SYNJ2: variants seen among roughly 807,000 people sequenced by gnomAD.
SYNJ2 encodes polyphosphatidylinositol phosphatase SYNJ2.
Under a neutral mutation model 141.3 loss-of-function variants are expected in SYNJ2, and 116 were observed. That is an observed-to-expected ratio of 0.82 (90% CI 0.71 to 0.96). The LOEUF (loss-of-function observed/expected upper bound fraction) is 0.96, where lower values mean the gene tolerates loss of function less well. Among genes scored for constraint, SYNJ2 ranks in the 40% least tolerant of loss-of-function variants. SYNJ2 has a pLI of 0.00. For synonymous variants in SYNJ2, 745 were observed against 777.7 expected (o/e 0.96, Z 0.70); for missense variants, 1,873 against 1,934.8 (o/e 0.97, Z 0.60).
chr6:158,052,156 A>T (rs1415792421), intron 5 of SYNJ2, among the ~76,000 whole-genome samples: 1 of 152,228 alleles, frequency 6.6e-6, no homozygotes, highest in Non-Finnish European at 1.5e-5. Flanking sequence ...CATAACATAG[A>T]TAAATCTGCT....
chr6:157,997,036 C>CCA (rs1554229465), intron 1 of SYNJ2, among the ~76,000 whole-genome samples: 4 of 145,808 alleles, frequency 2.7e-5, no homozygotes, highest in African/African-American at 1.0e-4. Context: ...CACCCCCCCC[C>CCA]ACCCAGCTTC....
Position 158,083,422 on chromosome 6 carries a change from C to T in SYNJ2, c.2866-7C>T. Reference sequence around the variant, plus strand: ...TTTATTCCTGGGTGGCCGCTCTGCCCTCCCAGGTGAAAGGCAGAGCAGTGA... The same window carrying T: ...TTTATTCCTGGGTGGCCGCTCTGCCTTCCCAGGTGAAAGGCAGAGCAGTGA... On this transcript the variant is annotated splice_region_variant and splice_polypyrimidine_tract_variant and intron_variant, in intron 20 of 26. Coordinates refer to ENST00000355585, the MANE Select transcript of SYNJ2 (RefSeq NM_003898.4). 2 of 1,612,740 alleles carry T rather than the reference C, an allele frequency of 1.2e-6. No individual in the cohort carries two copies. The highest frequency in any genetic ancestry group is 1.7e-6 in the Non-Finnish European group (2 of 1,178,908).
At chr6:158,042,237 T>C (rs1490504752) in intron 4 of SYNJ2, among the ~76,000 whole-genome samples, 3 of 152,260 alleles carry the variant, frequency 2.0e-5, no homozygotes, top group Non-Finnish European at 4.4e-5. Flanking sequence ...ACAGACAGCA[T>C]GTTCTTAACA....
chr6:158,045,693 T>G (rs1780201956), intron 5 of SYNJ2, among the ~76,000 whole-genome samples: 1 of 152,062 alleles, frequency 6.6e-6, no homozygotes, highest in African/African-American at 2.4e-5. Flanking sequence ...CTCTCAATGT[T>G]CTCATCTCCC....
chr6:158,083,744 G>A, intron 21 of SYNJ2, 147 bp downstream of exon 21: 1 of 1,135,202 alleles, frequency 8.8e-7, no homozygotes, highest in Non-Finnish European at 1.3e-6. Flanking sequence ...GAGCATGTTT[G>A]TATGTGTGGA....
chr6:157,988,811 G>T (rs1250350618), intron 1 of SYNJ2, among the ~76,000 whole-genome samples: 1 of 152,150 alleles, frequency 6.6e-6, no homozygotes, highest in Non-Finnish European at 1.5e-5. Context: ...AAACCAAATT[G>T]GGTTGGGAGG....
At chr6:158,073,160 C>A (rs4403284) in intron 15 of SYNJ2, among the ~76,000 whole-genome samples, 107,919 of 151,710 alleles carry the variant, frequency 0.71, 38,631 homozygotes, top group East Asian at 0.88. Flanking sequence ...TCTTTTCTAC[C>A]ATAAAAATAT....
rs1783908470 is a variant in SYNJ2, at chr6:158,098,667, G to A, written c.*2303G>A. 1 of 152,168 alleles carries A rather than the reference G, an allele frequency of 6.6e-6. No homozygotes were observed. The highest frequency in any genetic ancestry group is 2.1e-4 in the South Asian group (1 of 4,828). The allele number at this position is 152,168 out of a possible 1,614,324, so 9.4% of individuals were successfully genotyped here. On this transcript the variant is annotated 3_prime_UTR_variant, in exon 27 of 27. Coordinates refer to ENST00000355585, the MANE Select transcript of SYNJ2 (RefSeq NM_003898.4). ...TGACAATGAGCAGCTGCCATCTTGGGGGATTTCATTCTGTGGTTTTTTAAA... is the reference window on the plus strand; with the variant it reads ...TGACAATGAGCAGCTGCCATCTTGGAGGATTTCATTCTGTGGTTTTTTAAA...
chr6:158,098,004 G>C lies in SYNJ2; in HGVS notation c.*1640G>C, dbSNP rs965190817. 1 of 152,158 alleles carries C rather than the reference G, an allele frequency of 6.6e-6. No homozygotes were observed. The highest frequency in any genetic ancestry group is 1.5e-5 in the Non-Finnish European group (1 of 68,040). The allele number at this position is 152,158 out of a possible 1,614,324, so 9.4% of individuals were successfully genotyped here. ...AACAAACACAAGAAATAAACAGAATGGTCCTTAACAGAGTTTGGGGGAGAG... is the reference window on the plus strand; with the variant it reads ...AACAAACACAAGAAATAAACAGAATCGTCCTTAACAGAGTTTGGGGGAGAG... On this transcript the variant is annotated 3_prime_UTR_variant, in exon 27 of 27. Transcript: ENST00000355585.
At position 158,027,050 on chromosome 6, in the gene SYNJ2, C is replaced by A. The variant is rs532461817; in HGVS notation, c.215-1706C>A. On this transcript the variant is annotated intron_variant, in intron 2 of 26. Transcript: ENST00000355585. This position sits in a 1 kb window ranked among gnomAD's most constrained non-coding sequence, Gnocchi z 4.6. ...ACCCCCTGCCCTGCTGGCAGCCCCA[C>A]CCCATGGCATAGCAGCAGGCCCCTG... 70 of 985,366 alleles carry A rather than the reference C, an allele frequency of 7.1e-5. No homozygotes were observed. In the South Asian group the frequency reaches 2.8e-3, roughly 39 times the overall value. 61.0% of individuals were successfully genotyped at this position (985,366 alleles called of 1,614,324 possible). A position where few individuals can be genotyped will look rare whatever the true frequency, so the allele number is the denominator to read the frequency against.
In SYNJ2 at chr6:158,096,678, A is replaced by C. The variant is rs1446613242; in HGVS notation, c.*314A>C. On this transcript the variant is annotated 3_prime_UTR_variant, in exon 27 of 27. Transcript: ENST00000355585. Reference sequence around the variant, plus strand: ...GGTCCAAGAAGTTCTCACCCATTGAATTTTTAAATGGCTGTTCAGTTCATG... The same window carrying C: ...GGTCCAAGAAGTTCTCACCCATTGACTTTTTAAATGGCTGTTCAGTTCATG... 2 of 224,046 alleles carry C rather than the reference A, an allele frequency of 8.9e-6. No individual in the cohort carries two copies. Among genetic ancestry groups the C allele is most frequent in the Admixed American group, 1.1e-4 (2 of 18,892 alleles). 13.9% of individuals were successfully genotyped at this position (224,046 alleles called of 1,614,324 possible). A position where few individuals can be genotyped will look rare whatever the true frequency, so the allele number is the denominator to read the frequency against.
rs538956912 is a variant in SYNJ2 at position 158,043,967 on chromosome 6, A to T, written c.795+568A>T. On this transcript the variant is annotated intron_variant, in intron 5 of 26. Transcript: ENST00000355585. This position sits in a 1 kb window ranked among gnomAD's most constrained non-coding sequence, Gnocchi z 4.0. ...TGGGAAGAGCACAGGGTGGGGACAC[A>T]TTCCAAGAACACATTTGTCATCAAT... 2.0e-4 allele frequency among the ~76,000 whole-genome samples: 31 copies of T among 152,328 alleles called. No individual in the cohort carries two copies. The highest frequency in any genetic ancestry group is 4.0e-4 in the Non-Finnish European group (27 of 68,034).
chr6:158,031,504 G>A (rs564851145), intron 3 of SYNJ2, among the ~76,000 whole-genome samples: 7 of 152,358 alleles, frequency 4.6e-5, no homozygotes, highest in East Asian at 1.9e-4. Context: ...GCTGTAACAC[G>A]CCAGGGCGTG....
At position 158,070,750 on chromosome 6, in the gene SYNJ2, C is replaced by T. The variant is rs911822124; in HGVS notation, c.1941-852C>T. On this transcript the variant is annotated intron_variant, in intron 14 of 26. Transcript: ENST00000355585. This position sits in a 1 kb window ranked among gnomAD's most constrained non-coding sequence, Gnocchi z 4.0. ...GGCTGTGGAAATGTTAACAAATGTG[C>T]TTGCAGCCCATGTTTCTATGGACTC... 2.8e-4 allele frequency among the ~76,000 whole-genome samples: 43 copies of T among 152,194 alleles called. No homozygotes were observed. Among genetic ancestry groups the T allele is most frequent in the African/African-American group, 9.4e-4 (39 of 41,448 alleles).
At chr6:158,026,897 C>T in intron 2 of SYNJ2, 1 of 985,426 alleles carries the variant, frequency 1.0e-6, no homozygotes, top group African/African-American at 1.7e-5. Context: ...CCCCGGAACC[C>T]CACCTATCCT....
intron 15 of SYNJ2, among the ~76,000 whole-genome samples, chr6:158,073,187 A>G (rs987461577): frequency 1.3e-5 from 2 of 151,856 alleles, no homozygotes; most frequent in African/African-American, 4.8e-5. Context: ...ACCTATTAAC[A>G]TTCTACACTT....
intron 1 of SYNJ2, among the ~76,000 whole-genome samples, chr6:158,005,155 G>T (rs1332201279): frequency 2.0e-5 from 3 of 149,188 alleles, no homozygotes; most frequent in Non-Finnish European, 4.4e-5. Flanking sequence ...TCGGCTCACT[G>T]CAAGCTCCGC....
Position 158,089,958 on chromosome 6 carries a change from T to C in SYNJ2, c.3565+11T>C. 6.3e-7 allele frequency: 1 copy of C among 1,599,330 alleles called. No individual in the cohort carries two copies. Among genetic ancestry groups the C allele is most frequent in the Non-Finnish European group, 8.6e-7 (1 of 1,166,762 alleles). ...TGGAAGCCAGAGGAGGTAGGTGCTT[T>C]CCTGGGGGCAGGGGAAAAACCAATT... On this transcript the variant is annotated intron_variant, in intron 25 of 26. Transcript: ENST00000355585.
chr6:158,026,457 C>G (rs946669774), intron 2 of SYNJ2, among the ~76,000 whole-genome samples: 4 of 152,140 alleles, frequency 2.6e-5, no homozygotes, highest in Non-Finnish European at 5.9e-5. Flanking sequence ...TACAGCTCCC[C>G]TGCCTCCACT....
Sources: allele counts gnomAD v4.1 joint callset (sites outside exome capture counted in the v4.1 genomes callset), GRCh38; gene constraint gnomAD v4.1.1; non-coding constraint Gnocchi (gnomAD v3.1); transcripts MANE v1.5; gene names NCBI Gene and HGNC (gene_info 2026-07-23, HGNC 2026-07-21).